PCA3: variants seen among roughly 807,000 people sequenced by gnomAD.
PCA3 encodes Differential Display code 3.
chr9:76,771,570 G>A (rs1222974935), intron 2 of PCA3, among the ~76,000 whole-genome samples: 2 of 152,148 alleles, frequency 1.3e-5, no homozygotes, highest in African/African-American at 2.4e-5. Flanking sequence ...GGTAATAATG[G>A]CTACTTTATC....
intron 2 of PCA3, among the ~76,000 whole-genome samples, chr9:76,780,599 G>A (rs372189975): frequency 2.6e-5 from 4 of 152,314 alleles, no homozygotes; most frequent in African/African-American, 9.6e-5. Flanking sequence ...GCTGAGGCAG[G>A]AGAATGGCGT....
chr9:76,767,687 C>T (rs943826629), intron 2 of PCA3, among the ~76,000 whole-genome samples: 5 of 152,240 alleles, frequency 3.3e-5, no homozygotes, highest in African/African-American at 1.2e-4. Flanking sequence ...CATCTCTTGA[C>T]CCTATTTTGT....
intron 2 of PCA3, among the ~76,000 whole-genome samples, chr9:76,768,579 ATGTATGTGTGTGTG>A (rs1462548881): frequency 4.6e-4 from 46 of 100,594 alleles, no homozygotes; most frequent in Middle Eastern, 4.7e-3. Flanking sequence ...ATATATGTAT[ATGTATGTGTGTGTG>A]TGTGTGTGTG....
intron 2 of PCA3, among the ~76,000 whole-genome samples, chr9:76,776,477 G>A (rs1335503234): frequency 6.7e-6 from 1 of 149,830 alleles, no homozygotes; most frequent in Non-Finnish European, 1.5e-5. Context: ...GTATATCACG[G>A]TATACATTTA....
chr9:76,785,405 C>T (rs917826317), intron 2 of PCA3: 19 of 152,130 alleles, frequency 1.2e-4, no homozygotes, highest in Non-Finnish European at 2.4e-4. Context: ...TTATGGGGCA[C>T]GTTTGTAAGC....
chr9:76,769,502 C>T (rs965073965), intron 2 of PCA3, among the ~76,000 whole-genome samples: 1 of 149,020 alleles, frequency 6.7e-6, no homozygotes, highest in Non-Finnish European at 1.5e-5. Flanking sequence ...GGCTCGTCGT[C>T]GCAACCTCCG....
At chr9:76,776,813 G>C (rs1438884795) in intron 2 of PCA3, among the ~76,000 whole-genome samples, 1 of 148,084 alleles carries the variant, frequency 6.8e-6, no homozygotes, top group Non-Finnish European at 1.5e-5. Flanking sequence ...ACTGTGTCCA[G>C]CCAGCAGTTT....
intron 2 of PCA3, chr9:76,778,382 T>G (rs915686681): frequency 4.6e-5 from 7 of 152,230 alleles, no homozygotes; most frequent in Non-Finnish European, 1.0e-4. Flanking sequence ...TTTCTCAGAC[T>G]AATTGTTTCC....
chr9:76,776,240 T>C (rs1589159121), intron 2 of PCA3, among the ~76,000 whole-genome samples: 2 of 152,192 alleles, frequency 1.3e-5, no homozygotes, highest in Admixed American at 6.5e-5. Flanking sequence ...ATCACCTGAA[T>C]AGCAGACATT....
intron 2 of PCA3, chr9:76,764,680 T>C (rs2052141692): frequency 6.6e-6 from 1 of 152,280 alleles, no homozygotes; most frequent in Non-Finnish European, 1.5e-5. Context: ...CAAATTACTC[T>C]GGTTGCTGTG....
chr9:76,782,200 C>T (rs909503393), intron 2 of PCA3, among the ~76,000 whole-genome samples: 2 of 150,458 alleles, frequency 1.3e-5, no homozygotes, highest in East Asian at 2.0e-4. Context: ...GGTGACAAAG[C>T]GAGACTCCAT....
intron 2 of PCA3, among the ~76,000 whole-genome samples, chr9:76,781,488 T>C (rs2054388459): frequency 6.6e-6 from 1 of 152,244 alleles, no homozygotes; most frequent in African/African-American, 2.4e-5. Flanking sequence ...CCTAGTCCTT[T>C]CCTGGCCTAT....
At chr9:76,779,813 C>T (rs182660623) in intron 2 of PCA3, 4 of 152,314 alleles carry the variant, frequency 2.6e-5, no homozygotes, top group South Asian at 4.1e-4. Context: ...ACCTTTAACC[C>T]GTATGCTTTG....
intron 2 of PCA3, among the ~76,000 whole-genome samples, chr9:76,781,922 T>C (rs998013426): frequency 6.6e-6 from 1 of 152,094 alleles, no homozygotes; most frequent in African/African-American, 2.4e-5. Context: ...TAGAAAGCAT[T>C]GGGAAAGCCT....
At chr9:76,781,566 A>G (rs1210064677) in intron 2 of PCA3, among the ~76,000 whole-genome samples, 1 of 152,192 alleles carries the variant, frequency 6.6e-6, no homozygotes, top group Admixed American at 6.5e-5. Context: ...CTCCCTATCT[A>G]ATGTAAAATA....
At chr9:76,778,094 T>TA (rs2053994806) in intron 2 of PCA3, among the ~76,000 whole-genome samples, 1 of 152,170 alleles carries the variant, frequency 6.6e-6, no homozygotes, top group South Asian at 2.1e-4. Flanking sequence ...AAGGAGCTTT[T>TA]AAAAAATACC....
At chr9:76,782,367 G>A (rs959309410) in intron 2 of PCA3, among the ~76,000 whole-genome samples, 4 of 152,162 alleles carry the variant, frequency 2.6e-5, no homozygotes, top group African/African-American at 9.7e-5. Context: ...TAATTTCTGA[G>A]AGGCAGGTCA....
At chr9:76,768,271 C>A (rs2052652062) in intron 2 of PCA3, among the ~76,000 whole-genome samples, 1 of 152,142 alleles carries the variant, frequency 6.6e-6, no homozygotes, top group Non-Finnish European at 1.5e-5. Flanking sequence ...CAGCTCACTG[C>A]AACCTCCGCC....
intron 2 of PCA3, among the ~76,000 whole-genome samples, chr9:76,773,263 A>G (rs1564268686): frequency 6.6e-6 from 1 of 152,216 alleles, no homozygotes; most frequent in Non-Finnish European, 1.5e-5. Flanking sequence ...AGGCCATGTT[A>G]CTTCCAAATC....
Sources: allele counts gnomAD v4.1 joint callset (sites outside exome capture counted in the v4.1 genomes callset), GRCh38; gene constraint gnomAD v4.1.1; transcripts MANE v1.5; gene names NCBI Gene and HGNC (gene_info 2026-07-23, HGNC 2026-07-21).